Variants in LRRC4C observed in about 807,000 individuals in gnomAD.
LRRC4C encodes the protein leucine-rich repeat-containing protein 4C.
LRRC4C carries 5 observed loss-of-function variants against 33.6 expected under a neutral mutation model. The observed-to-expected ratio is 0.15, with a 90% CI of 0.08 to 0.31. The LOEUF is 0.31. LRRC4C is among the 10% of genes least tolerant of loss of function. The pLI, the probability that LRRC4C is intolerant of heterozygous loss-of-function variation, is 1.00. For synonymous variants in LRRC4C, 329 were observed against 302.0 expected (o/e 1.09, Z -0.93); for missense variants, 560 against 796.7 (o/e 0.70, Z 3.58).
At chr11:40,293,810 G>C (rs1944365978) in intron 4 of LRRC4C, 1 of 152,182 alleles carries the variant, frequency 6.6e-6, no homozygotes, top group African/African-American at 2.4e-5. Flanking sequence ...TCCTCTGCGA[G>C]GAGACGCGTT....
rs116970099 is a variant in LRRC4C, at chr11:40,128,864, G to C, written c.-43+11937C>G. Among the ~76,000 whole-genome samples the C allele has an allele frequency of 5.7e-3, 870 of 152,116 alleles. 6 individuals are homozygous for C. The highest frequency in any genetic ancestry group is 9.7e-3 in the Non-Finnish European group (658 of 67,978). On this transcript the variant is annotated intron_variant, in intron 6 of 6. Transcript: ENST00000528697. ...TTTACCTTCTCAGAAAGTTCTTTTT[G>C]ATTACCTGGCAAAAAGTATCCCTTT... is the stretch of plus-strand genomic sequence containing the variant.
intron 5 of LRRC4C, among the ~76,000 whole-genome samples, chr11:40,240,455 A>C (rs10501225): frequency 6.6e-6 from 1 of 151,924 alleles, no homozygotes; most frequent in Admixed American, 6.6e-5. Flanking sequence ...ATTATCCATG[A>C]AGCCCAGAAC....
At chr11:41,099,296 C>CA (rs1361303143) in intron 1 of LRRC4C, among the ~76,000 whole-genome samples, 2 of 150,020 alleles carry the variant, frequency 1.3e-5, no homozygotes, top group Non-Finnish European at 3.0e-5. Context: ...GAAACTATTC[C>CA]AAAAAACTGA....
chr11:40,620,269 A>G (rs149935427), intron 3 of LRRC4C, among the ~76,000 whole-genome samples: 14 of 151,798 alleles, frequency 9.2e-5, no homozygotes, highest in African/African-American at 3.4e-4. Context: ...TTGACTAGCT[A>G]TAAGGGACTA....
At chr11:40,423,534 C>G (rs1304939783) in intron 3 of LRRC4C, among the ~76,000 whole-genome samples, 1 of 151,696 alleles carries the variant, frequency 6.6e-6, no homozygotes. Flanking sequence ...TTAGTAGAGA[C>G]GGGGTTTCAC....
chr11:40,334,350 G>T (rs1347032507), intron 3 of LRRC4C, among the ~76,000 whole-genome samples: 1 of 152,004 alleles, frequency 6.6e-6, no homozygotes, highest in East Asian at 1.9e-4. Context: ...GTAAGCCAAT[G>T]GGTACTATTA....
At chr11:40,434,492 C>T (rs7945771) in intron 3 of LRRC4C, among the ~76,000 whole-genome samples, 63,801 of 152,030 alleles carry the variant, frequency 0.42, 13,678 homozygotes, top group East Asian at 0.53. Flanking sequence ...CTGCTCAGTG[C>T]TCAGCAAGTA....
intron 3 of LRRC4C, among the ~76,000 whole-genome samples, chr11:40,403,750 T>G (rs191914123): frequency 2.0e-5 from 3 of 152,162 alleles, no homozygotes; most frequent in Admixed American, 2.0e-4. Context: ...TCAATTAGCA[T>G]CCTAAATCTC....
At chr11:40,266,250 T>G (rs1449435132) in intron 4 of LRRC4C, among the ~76,000 whole-genome samples, 1 of 151,904 alleles carries the variant, frequency 6.6e-6, no homozygotes, top group African/African-American at 2.4e-5. Flanking sequence ...CAGTGAGCAG[T>G]GACTCTGTTA....
At chr11:40,622,212 T>C (rs1962525649) in intron 3 of LRRC4C, among the ~76,000 whole-genome samples, 1 of 151,948 alleles carries the variant, frequency 6.6e-6, no homozygotes, top group Admixed American at 6.6e-5. Context: ...ATTGTATTTT[T>C]ATATTTTTCA....
intron 1 of LRRC4C, among the ~76,000 whole-genome samples, chr11:41,107,936 C>T (rs1941604290): frequency 6.9e-6 from 1 of 145,058 alleles, no homozygotes; most frequent in Admixed American, 6.9e-5. Context: ...GAGTCCATCT[C>T]AAAGAAAAGA....
At chr11:41,083,541 G>A (rs117435652) in intron 1 of LRRC4C, among the ~76,000 whole-genome samples, 1,555 of 152,302 alleles carry the variant, frequency 0.01, 11 homozygotes, top group Middle Eastern at 0.02. Flanking sequence ...GAGAGTCCAT[G>A]TGGATGATAC....
intron 3 of LRRC4C, among the ~76,000 whole-genome samples, chr11:40,438,362 C>T (rs1021270861): frequency 4.6e-5 from 7 of 152,110 alleles, no homozygotes; most frequent in African/African-American, 1.4e-4. Context: ...AAAACAATAA[C>T]AAAAAACTAT....
intron 2 of LRRC4C, among the ~76,000 whole-genome samples, chr11:40,694,665 T>C (rs1319442471): frequency 6.6e-6 from 1 of 152,112 alleles, no homozygotes; most frequent in Non-Finnish European, 1.5e-5. Flanking sequence ...CAACAAAGTG[T>C]CTTAGGCTAA....
At chr11:41,416,323 T>G (rs1954678895) in intron 1 of LRRC4C, among the ~76,000 whole-genome samples, 1 of 151,984 alleles carries the variant, frequency 6.6e-6, no homozygotes, top group African/African-American at 2.4e-5. Flanking sequence ...TTATGTTGAG[T>G]GGTTCATCTA....
intron 2 of LRRC4C, among the ~76,000 whole-genome samples, chr11:40,929,010 C>T (rs1957503391): frequency 6.6e-6 from 1 of 152,120 alleles, no homozygotes. Flanking sequence ...CTGCCTCTTT[C>T]CTCTAATACC....
At chr11:41,080,680 T>C (rs1297839540) in intron 1 of LRRC4C, among the ~76,000 whole-genome samples, 1 of 152,146 alleles carries the variant, frequency 6.6e-6, no homozygotes, top group Non-Finnish European at 1.5e-5. Flanking sequence ...TTGCTCTACA[T>C]TGCTCTCAAG....
chr11:41,242,983 G>GA (rs1156883066), intron 1 of LRRC4C, among the ~76,000 whole-genome samples: 1 of 152,044 alleles, frequency 6.6e-6, no homozygotes, highest in Non-Finnish European at 1.5e-5. Flanking sequence ...GCTTGTAAAG[G>GA]AAAAAAATTC....
chr11:40,904,852 T>C (rs189023497), intron 2 of LRRC4C, among the ~76,000 whole-genome samples: 1 of 152,260 alleles, frequency 6.6e-6, no homozygotes, highest in East Asian at 1.9e-4. Flanking sequence ...GGAACACACT[T>C]TCATCAAGCC....
Sources: allele counts gnomAD v4.1 joint callset (sites outside exome capture counted in the v4.1 genomes callset), GRCh38; gene constraint gnomAD v4.1.1; transcripts MANE v1.5; gene names NCBI Gene and HGNC (gene_info 2026-07-23, HGNC 2026-07-21).